ASIC2: variants seen among roughly 807,000 people sequenced by gnomAD.
The protein encoded by ASIC2 is acid sensing ion channel subunit 2, also known as acid-sensing ion channel 2.
A neutral mutation model predicts 57.3 loss-of-function variants in ASIC2; 25 were observed. The ratio of observed to expected loss-of-function variants is 0.44; its 90% CI spans 0.32 to 0.61. The LOEUF (loss-of-function observed/expected upper bound fraction) is 0.61. Among genes scored for constraint, ASIC2 ranks in the 20% least tolerant of loss-of-function variants. The pLI, the probability that ASIC2 is intolerant of heterozygous loss-of-function variation, is 0.06. For synonymous variants in ASIC2, 319 were observed against 307.5 expected, an observed-to-expected ratio of 1.04 and a Z score of -0.39; for missense variants, 641 against 738.1, an observed-to-expected ratio of 0.87 and a Z score of 1.52.
intron 1 of ASIC2, among the ~76,000 whole-genome samples, chr17:33,552,583 G>A (rs972558910): frequency 2.6e-5 from 4 of 152,220 alleles, no homozygotes; most frequent in African/African-American, 4.8e-5. Context: ...CAAAAGGAAA[G>A]ACAATATCTG....
chr17:33,579,788 C>T (rs538603891), intron 1 of ASIC2, among the ~76,000 whole-genome samples: 4 of 152,146 alleles, frequency 2.6e-5, no homozygotes, highest in African/African-American at 9.7e-5. Context: ...GAACAAACTA[C>T]CACACCGTGA....
chr17:33,575,866 G>C (rs1916603675), intron 1 of ASIC2, among the ~76,000 whole-genome samples: 1 of 152,130 alleles, frequency 6.6e-6, no homozygotes, highest in Admixed American at 6.6e-5. Context: ...CATGCCAAGA[G>C]AGCAAACGCC....
chr17:34,039,969 G>T, intron 1 of ASIC2: 4 of 1,056,188 alleles, frequency 3.8e-6, no homozygotes, highest in Non-Finnish European at 4.2e-6. Context: ...CCCTGGGCAG[G>T]CCCGGGGCGG....
intron 1 of ASIC2, among the ~76,000 whole-genome samples, chr17:33,550,836 A>G (rs1460773664): frequency 6.6e-6 from 1 of 152,232 alleles, no homozygotes; most frequent in African/African-American, 2.4e-5. Flanking sequence ...ACAGGAGTAT[A>G]AGCATAGGGA....
intron 1 of ASIC2, among the ~76,000 whole-genome samples, chr17:33,142,468 A>C (rs933096098): frequency 6.6e-6 from 1 of 152,208 alleles, no homozygotes; most frequent in South Asian, 2.1e-4. Context: ...TTCTTTTATA[A>C]AGGATTAGAC....
chr17:33,883,878 C>T (rs942504085), intron 1 of ASIC2, among the ~76,000 whole-genome samples: 2 of 143,456 alleles, frequency 1.4e-5, no homozygotes, highest in African/African-American at 5.2e-5. Flanking sequence ...TATCTTGCAA[C>T]AATTAGATTT....
intron 1 of ASIC2, among the ~76,000 whole-genome samples, chr17:33,789,867 G>T (rs926870196): frequency 1.3e-5 from 2 of 152,180 alleles, no homozygotes; most frequent in African/African-American, 4.8e-5. Flanking sequence ...TAGCACTGCA[G>T]TTCACTGGGT....
At position 33,063,897 on chromosome 17, in the gene ASIC2, C is replaced by T. The variant is rs1460350546; in HGVS notation, c.987+24966G>A. ...TTTCTCTAAACTTCTCTTCTCGCTT[C>T]ATTTCATTCATTCGATCTTCAATCA... On this transcript the variant is annotated intron_variant, in intron 3 of 9. Coordinates refer to ENST00000225823, the MANE Select transcript of ASIC2 (RefSeq NM_183377.2). Among the ~76,000 whole-genome samples the T allele has an allele frequency of 2.6e-5, 4 of 152,218 alleles. No homozygotes were observed. The East Asian group carries it at 5.8e-4, about 22-fold the overall frequency.
At chr17:33,274,979 C>A (rs543663035) in intron 1 of ASIC2, among the ~76,000 whole-genome samples, 1 of 152,252 alleles carries the variant, frequency 6.6e-6, no homozygotes, top group Non-Finnish European at 1.5e-5. Flanking sequence ...CACCACCCCT[C>A]CTCATTTCTC....
rs1159253854 is a variant in ASIC2 at position 33,291,639 on chromosome 17, C to A, written c.477G>T (p.Gly159=). Residue 159 remains glycine (G), a synonymous_variant, in exon 1 of 10, where the codon GGG becomes GGT. Transcript: ENST00000225823. ...GDLYYAGHWL[G]LLLPNRTARP... ...GCGCGGTGCGGTTGGGCAGCAGCAG[C>A]CCGAGCCAGTGGCCGGCATAGTAGA... The A allele has an allele frequency of 1.9e-6, 3 of 1,610,158 alleles. No individual in the cohort carries two copies. Among genetic ancestry groups the A allele is most frequent in the Non-Finnish European group, 1.7e-6 (2 of 1,178,516 alleles).
At chr17:33,751,263 A>G (rs1365058990) in intron 1 of ASIC2, among the ~76,000 whole-genome samples, 1 of 152,208 alleles carries the variant, frequency 6.6e-6, no homozygotes, top group Non-Finnish European at 1.5e-5. Flanking sequence ...TTGGCTGCAT[A>G]CAGATCTGCA....
chr17:34,015,912 G>A (rs982812874), intron 1 of ASIC2, among the ~76,000 whole-genome samples: 1 of 152,160 alleles, frequency 6.6e-6, no homozygotes, highest in African/African-American at 2.4e-5. Flanking sequence ...CAACTCACGT[G>A]CCTACCATGA....
intron 1 of ASIC2, among the ~76,000 whole-genome samples, chr17:33,700,624 A>G (rs996761582): frequency 5.3e-5 from 8 of 152,252 alleles, no homozygotes; most frequent in African/African-American, 1.9e-4. Context: ...CTAATAAAGC[A>G]TTCACAGGGA....
intron 1 of ASIC2, among the ~76,000 whole-genome samples, chr17:33,669,569 T>C (rs564877922): frequency 1.3e-5 from 2 of 152,316 alleles, no homozygotes; most frequent in South Asian, 4.1e-4. Flanking sequence ...ATTTAGCATT[T>C]CTGAGGTCTC....
intron 1 of ASIC2, among the ~76,000 whole-genome samples, chr17:33,848,852 T>C (rs983285549): frequency 6.6e-6 from 1 of 152,206 alleles, no homozygotes; most frequent in Non-Finnish European, 1.5e-5. Context: ...ATAAAAGTAG[T>C]ATTTGTTAAA....
intron 1 of ASIC2, among the ~76,000 whole-genome samples, chr17:33,610,556 A>G (rs1023791263): frequency 6.6e-6 from 1 of 152,098 alleles, no homozygotes; most frequent in Non-Finnish European, 1.5e-5. Flanking sequence ...AGGCATAAAG[A>G]AAGGACAGGA....
chr17:33,308,833 A>C (rs1906286893), intron 1 of ASIC2, among the ~76,000 whole-genome samples: 1 of 152,118 alleles, frequency 6.6e-6, no homozygotes, highest in South Asian at 2.1e-4. Context: ...TTTGTGAAAA[A>C]AAAGATGGAA....
At chr17:33,979,026 T>A (rs750636817) in intron 1 of ASIC2, among the ~76,000 whole-genome samples, 1 of 152,072 alleles carries the variant, frequency 6.6e-6, no homozygotes. Flanking sequence ...AGACTACATG[T>A]AAGGTGTCGG....
chr17:33,805,950 A>G (rs1421743506), intron 1 of ASIC2, among the ~76,000 whole-genome samples: 1 of 152,178 alleles, frequency 6.6e-6, no homozygotes, highest in Non-Finnish European at 1.5e-5. Flanking sequence ...ACTTGCACAC[A>G]TATTATAGTT....
Sources: gnomAD v4.1 joint callset for allele counts (sites outside exome capture counted in the v4.1 genomes callset) on GRCh38, gnomAD v4.1.1 for gene constraint, MANE v1.5 for transcripts, NCBI Gene and HGNC (gene_info 2026-07-23, HGNC 2026-07-21) for gene names.